The following CDKN2B-AS1 variants were observed in gnomAD, a reference collection of about 807,000 sequenced individuals.
CDKN2B-AS1 encodes the protein CDKN2B antisense RNA 1 (non-protein coding).
At chr9:22,066,341 A>C (rs548487433) in intron 4 of CDKN2B-AS1, 1 of 152,090 alleles carries the variant, frequency 6.6e-6, no homozygotes, top group South Asian at 2.1e-4. Flanking sequence ...CTACAGATGC[A>C]CCACCATGCA....
intron 4 of CDKN2B-AS1, among the ~76,000 whole-genome samples, chr9:22,065,403 A>T (rs765620876): frequency 6.6e-6 from 1 of 152,198 alleles, no homozygotes; most frequent in African/African-American, 2.4e-5. Flanking sequence ...CTAGACTTTG[A>T]GAATTGCAGT....
intron 1 of CDKN2B-AS1, among the ~76,000 whole-genome samples, chr9:22,037,242 G>C (rs780659922): frequency 5.3e-5 from 8 of 152,030 alleles, no homozygotes; most frequent in Non-Finnish European, 8.8e-5. Flanking sequence ...AGCTTCTTCA[G>C]TGGGATAAAG....
At chr9:22,092,884 C>G (rs56064546) in intron 4 of CDKN2B-AS1, among the ~76,000 whole-genome samples, 15,970 of 151,944 alleles carry the variant, frequency 0.11, 2,803 homozygotes, top group African/African-American at 0.37. Context: ...TCTGTTTGCT[C>G]TTGCTTCTAT....
intron 4 of CDKN2B-AS1, among the ~76,000 whole-genome samples, chr9:22,069,955 C>G (rs1824220789): frequency 6.6e-6 from 1 of 152,094 alleles, no homozygotes; most frequent in Admixed American, 6.6e-5. Context: ...CTCCGCCTCC[C>G]AGGTTCAAGT....
intron 4 of CDKN2B-AS1, among the ~76,000 whole-genome samples, chr9:22,103,815 G>C (rs1345744843): frequency 6.6e-6 from 1 of 151,984 alleles, no homozygotes; most frequent in African/African-American, 2.4e-5. Flanking sequence ...AACACTAACA[G>C]GCACATTGGG....
intron 4 of CDKN2B-AS1, among the ~76,000 whole-genome samples, chr9:22,087,133 G>A (rs1209590368): frequency 6.6e-6 from 1 of 152,230 alleles, no homozygotes; most frequent in African/African-American, 2.4e-5. Flanking sequence ...TCTTGGAAAT[G>A]TTTGATTTAG....
intron 4 of CDKN2B-AS1, among the ~76,000 whole-genome samples, chr9:22,123,500 G>A (rs1826137254): frequency 6.6e-6 from 1 of 152,152 alleles, no homozygotes; most frequent in Non-Finnish European, 1.5e-5. Flanking sequence ...GTAGAAGTTG[G>A]GGAGAAATGT....
intron 4 of CDKN2B-AS1, among the ~76,000 whole-genome samples, chr9:22,062,752 G>GA (rs1554672606): frequency 6.7e-6 from 1 of 149,020 alleles, no homozygotes; most frequent in Non-Finnish European, 1.5e-5. Context: ...ATATTGTGTA[G>GA]TTTTTTTTTT....
intron 4 of CDKN2B-AS1, chr9:22,118,354 C>T (rs1027194346): frequency 1.3e-5 from 2 of 152,094 alleles, no homozygotes; most frequent in African/African-American, 2.4e-5. Context: ...TCCCTCTCAA[C>T]AGGGAGAAAG....
At position 22,012,284 on chromosome 9, in the gene CDKN2B-AS1, A is replaced by G. The variant is rs139157154; in HGVS notation, n.29+17123A>G. 78 of 1,472,906 alleles carry G rather than the reference A, an allele frequency of 5.3e-5. 1 individual carries two copies. The East Asian group carries it at 1.6e-3, about 31-fold the overall frequency. The allele number at this position is 1,472,906 out of a possible 1,614,324, so 91.2% of individuals were successfully genotyped here. A position where few individuals can be genotyped will look rare whatever the true frequency, so the allele number is the denominator to read the frequency against. On this transcript the variant is annotated intron_variant and non_coding_transcript_variant, in intron 1 of 4. Transcript: ENST00000650946. Reference sequence around the variant, plus strand: ...TATCCCCCCTGACAAGCAGCGTCTGATATTTGCCAGCAAACAGCTGGAGGA... The same window carrying G: ...TATCCCCCCTGACAAGCAGCGTCTGGTATTTGCCAGCAAACAGCTGGAGGA...
intron 4 of CDKN2B-AS1, among the ~76,000 whole-genome samples, chr9:22,107,207 G>A (rs527381048): frequency 6.6e-6 from 1 of 152,310 alleles, no homozygotes; most frequent in East Asian, 1.9e-4. Flanking sequence ...TGTGGGTGAT[G>A]TGAAAGTGGT....
At chr9:22,077,775 T>C (rs552414846) in intron 4 of CDKN2B-AS1, 1 of 152,358 alleles carries the variant, frequency 6.6e-6, no homozygotes, top group East Asian at 1.9e-4. Context: ...GATCCATCAC[T>C]GATTAGCTGT....
intron 4 of CDKN2B-AS1, among the ~76,000 whole-genome samples, chr9:22,093,175 G>A (rs1213853920): frequency 6.8e-6 from 1 of 147,530 alleles, no homozygotes; most frequent in Non-Finnish European, 1.5e-5. Context: ...TTGCACTGTG[G>A]TCTGAGAGAC....
intron 4 of CDKN2B-AS1, among the ~76,000 whole-genome samples, chr9:22,098,663 T>A (rs1383450564): frequency 6.6e-6 from 1 of 152,120 alleles, no homozygotes; most frequent in South Asian, 2.1e-4. Context: ...TCTCATTGAG[T>A]CCCTTCAGCA....
intron 4 of CDKN2B-AS1, chr9:22,064,052 G>T (rs991196123): frequency 6.6e-6 from 1 of 152,194 alleles, no homozygotes; most frequent in African/African-American, 2.4e-5. Context: ...GTGGCAGGGG[G>T]TATAAGTTTA....
intron 4 of CDKN2B-AS1, among the ~76,000 whole-genome samples, chr9:22,079,727 CTT>C (rs10607518): frequency 0.043 from 6,518 of 152,132 alleles, 350 homozygotes; most frequent in African/African-American, 0.13. Flanking sequence ...TTTTCTTACT[CTT>C]CTCTTGATTC....
intron 4 of CDKN2B-AS1, among the ~76,000 whole-genome samples, chr9:22,095,895 A>G (rs2131348407): frequency 6.6e-6 from 1 of 151,460 alleles, no homozygotes; most frequent in Non-Finnish European, 1.5e-5. Flanking sequence ...TTTATCAGAG[A>G]CTAGGATTGC....
chr9:22,081,445 T>C (rs1824690503), intron 4 of CDKN2B-AS1, among the ~76,000 whole-genome samples: 1 of 152,224 alleles, frequency 6.6e-6, no homozygotes, highest in Non-Finnish European at 1.5e-5. Flanking sequence ...TAGAGTTGTT[T>C]AGGCTAGGTA....
intron 4 of CDKN2B-AS1, among the ~76,000 whole-genome samples, chr9:22,096,736 G>C (rs961528926): frequency 1.1e-4 from 16 of 152,152 alleles, no homozygotes; most frequent in African/African-American, 3.6e-4. Flanking sequence ...ACTATGTGGA[G>C]TTATTAAAAT....
Sources: allele counts gnomAD v4.1 joint callset (sites outside exome capture counted in the v4.1 genomes callset), GRCh38; gene constraint gnomAD v4.1.1; transcripts MANE v1.5; gene names NCBI Gene and HGNC (gene_info 2026-07-23, HGNC 2026-07-21).